VPS53: variants seen among roughly 807,000 people sequenced by gnomAD.
The protein encoded by VPS53 is VPS53 subunit of GARP complex, also known as vacuolar protein sorting-associated protein 53 homolog.
VPS53 carries 70 observed loss-of-function variants against 107.0 expected under a neutral mutation model. The observed-to-expected ratio is 0.65, with a 90% CI of 0.54 to 0.80. The LOEUF is 0.80. Ranked by LOEUF, VPS53 falls within the 30% of genes least tolerant of loss-of-function variation. The pLI is 0.00. For missense variants in VPS53, 917 were observed against 1,049.4 expected (o/e 0.87, Z 1.74); for synonymous variants, 409 against 393.3 (o/e 1.04, Z -0.47).
At chr17:548,692 A>ACT (rs1337470717) in intron 17 of VPS53, among the ~76,000 whole-genome samples, 1 of 152,222 alleles carries the variant, frequency 6.6e-6, no homozygotes, top group Admixed American at 6.5e-5. Flanking sequence ...CAGGGTATAG[A>ACT]CTCCTTGAGG....
At chr17:531,261 C>A in intron 19 of VPS53, among the ~76,000 whole-genome samples, 1 of 151,992 alleles carries the variant, frequency 6.6e-6, no homozygotes, top group South Asian at 2.1e-4. Flanking sequence ...CCTCCCCATT[C>A]TGGGCCTGTC....
At chr17:661,929 T>G (rs767207321) in intron 4 of VPS53, 34 bp from the exon 5 acceptor site, 33 of 1,529,192 alleles carry the variant, frequency 2.2e-5, no homozygotes, top group Non-Finnish European at 2.7e-5. Flanking sequence ...AAACAAAAAG[T>G]GGCTAGAGAC....
At chr17:636,226 T>C (rs1970193419) in intron 7 of VPS53, among the ~76,000 whole-genome samples, 1 of 152,230 alleles carries the variant, frequency 6.6e-6, no homozygotes, top group Non-Finnish European at 1.5e-5. Flanking sequence ...TTGTCTGTTA[T>C]TGGTGCATAA....
Position 707,620 on chromosome 17 carries a change from G to C in VPS53, c.168+2913C>G, listed in dbSNP as rs1036300613. Among the ~76,000 whole-genome samples the C allele has an allele frequency of 3.3e-5, 5 of 152,050 alleles. No homozygotes were observed. The South Asian group carries it at 1.0e-3, about 32-fold the overall frequency. ...TCCCAACATTTTGGGAGGCTGAGGCGGGAGGATCACATTAGCTCAGGAGTT... is the reference window on the plus strand; with the variant it reads ...TCCCAACATTTTGGGAGGCTGAGGCCGGAGGATCACATTAGCTCAGGAGTT... On this transcript the variant is annotated intron_variant, in intron 2 of 21. Transcript: ENST00000437048.
intron 9 of VPS53, among the ~76,000 whole-genome samples, chr17:627,647 G>A (rs1200574381): frequency 6.6e-6 from 1 of 152,020 alleles, no homozygotes; most frequent in Non-Finnish European, 1.5e-5. Flanking sequence ...GTGGTGACAG[G>A]CGCCTGTAAT....
chr17:655,892 G>A lies in VPS53; in HGVS notation c.434C>T (p.Ser145Leu). 6.2e-7 allele frequency: 1 copy of A among 1,613,462 alleles called. No individual in the cohort carries two copies. Among genetic ancestry groups the A allele is most frequent in the Non-Finnish European group, 8.5e-7 (1 of 1,179,736 alleles). The change falls in exon 6 of 22, where the codon TCA becomes TTA. Residue 145 changes from serine (S) to leucine (L), a missense_variant. Transcript: ENST00000437048. ...LDHAKRHLTT[S>L]ITTLNHLHML... ...GTGCAGGTGGTTCAGTGTGGTGATT[G>A]AGGTGGTCAGGTGGCGTTTGGCGTG... is the stretch of plus-strand genomic sequence containing the variant.
chr17:689,938 TG>T (rs973433591), intron 4 of VPS53, among the ~76,000 whole-genome samples: 112 of 152,302 alleles, frequency 7.4e-4, no homozygotes, highest in African/African-American at 2.6e-3. Context: ...CCTCCTTTTT[TG>T]GTGAAAATCA....
intron 6 of VPS53, among the ~76,000 whole-genome samples, chr17:655,604 G>C (rs1175084237): frequency 1.3e-5 from 2 of 152,170 alleles, no homozygotes; most frequent in Admixed American, 6.5e-5. Context: ...CATATTCTTG[G>C]AGTCGTCCTG....
chr17:559,216 A>C (rs539568925), intron 15 of VPS53, among the ~76,000 whole-genome samples: 3 of 152,350 alleles, frequency 2.0e-5, no homozygotes, highest in South Asian at 4.1e-4. Flanking sequence ...TATGAATAAC[A>C]ATTGAAAAAA....
intron 5 of VPS53, among the ~76,000 whole-genome samples, chr17:659,481 A>G (rs1193446257): frequency 6.6e-6 from 1 of 152,044 alleles, no homozygotes; most frequent in African/African-American, 2.4e-5. Flanking sequence ...CGGTTTTGCC[A>G]TGTTGGCCAG....
rs74516202 is a variant in VPS53, at chr17:668,709, T to C, written c.286-6814A>G. On this transcript the variant is annotated intron_variant, in intron 4 of 21. Coordinates refer to ENST00000437048, the MANE Select transcript of VPS53 (RefSeq NM_001128159.3). Reference sequence around the variant, plus strand: ...TAATGGGACCATAGCTACTGTGTTCTAGACAAACACCCTAAAACATATGAC... The same window carrying C: ...TAATGGGACCATAGCTACTGTGTTCCAGACAAACACCCTAAAACATATGAC... Among the ~76,000 whole-genome samples, 80 of 152,320 alleles carry C rather than the reference T, an allele frequency of 5.3e-4. 1 individual carries two copies. The East Asian group carries it at 0.015, about 28-fold the overall frequency.
chr17:565,942 G>C (rs959092756), intron 13 of VPS53, among the ~76,000 whole-genome samples: 4 of 152,120 alleles, frequency 2.6e-5, no homozygotes, highest in African/African-American at 4.8e-5. Flanking sequence ...GGTGGCTCAC[G>C]CCTGTAATCC....
chr17:652,898 C>T (rs532266069), intron 7 of VPS53, among the ~76,000 whole-genome samples: 1 of 152,322 alleles, frequency 6.6e-6, no homozygotes, highest in South Asian at 2.1e-4. Flanking sequence ...GGAACGTCTG[C>T]ACCAGACAGT....
At chr17:651,670 C>T (rs981126336) in intron 7 of VPS53, among the ~76,000 whole-genome samples, 2 of 152,164 alleles carry the variant, frequency 1.3e-5, no homozygotes, top group Admixed American at 6.5e-5. Context: ...CTGTAGCATT[C>T]GGGCCTTATT....
At chr17:654,831 G>T (rs938276191) in intron 6 of VPS53, among the ~76,000 whole-genome samples, 2 of 152,014 alleles carry the variant, frequency 1.3e-5, no homozygotes, top group African/African-American at 4.8e-5. Context: ...CCACCGCCTG[G>T]TCTTACCACC....
At chr17:682,442 C>T (rs1466214453) in intron 4 of VPS53, among the ~76,000 whole-genome samples, 1 of 152,092 alleles carries the variant, frequency 6.6e-6, no homozygotes, top group African/African-American at 2.4e-5. Flanking sequence ...GAAGGTGCTC[C>T]CCCAGGAAAG....
At chr17:561,694 A>C (rs1020392673) in intron 14 of VPS53, among the ~76,000 whole-genome samples, 1 of 152,190 alleles carries the variant, frequency 6.6e-6, no homozygotes, top group Non-Finnish European at 1.5e-5. Context: ...CAATGGCACA[A>C]TCTCGGCTCA....
At chr17:623,418 G>A (rs1157421596) in intron 11 of VPS53, 115 bp downstream of exon 11, 29 of 1,258,160 alleles carry the variant, frequency 2.3e-5, no homozygotes, top group Non-Finnish European at 2.7e-5. Flanking sequence ...TGAAATCACT[G>A]CAATGAGGGG....
intron 4 of VPS53, among the ~76,000 whole-genome samples, chr17:673,226 T>C (rs1870802927): frequency 6.6e-6 from 1 of 151,786 alleles, no homozygotes; most frequent in Non-Finnish European, 1.5e-5. Context: ...TGATAAGCCC[T>C]ACACGGAAGC....
Sources: gnomAD v4.1 joint callset for allele counts (sites outside exome capture counted in the v4.1 genomes callset) on GRCh38, gnomAD v4.1.1 for gene constraint, MANE v1.5 for transcripts, NCBI Gene and HGNC (gene_info 2026-07-23, HGNC 2026-07-21) for gene names.